Variants in SLC35F4 observed in about 807,000 individuals in gnomAD.
The protein encoded by SLC35F4 is chromosome 14 open reading frame 36.
SLC35F4 carries 24 observed loss-of-function variants against 44.2 expected under a neutral mutation model. That is an observed-to-expected ratio of 0.54 (90% confidence interval 0.39 to 0.76). SLC35F4 has a LOEUF of 0.76. SLC35F4 is among the 30% of genes least tolerant of loss of function. The pLI, the probability that SLC35F4 is intolerant of heterozygous loss-of-function variation, is 0.00. For missense variants in SLC35F4, 562 were observed against 586.1 expected, an observed-to-expected ratio of 0.96 and a Z score of 0.42; for synonymous variants, 238 against 223.6, an observed-to-expected ratio of 1.06 and a Z score of -0.57.
intron 1 of SLC35F4, among the ~76,000 whole-genome samples, chr14:57,649,013 T>C (rs2140191517): frequency 6.6e-6 from 1 of 152,320 alleles, no homozygotes; most frequent in South Asian, 2.1e-4. Flanking sequence ...TGTTCACTTC[T>C]TTGTCTGCCT....
intron 1 of SLC35F4, among the ~76,000 whole-genome samples, chr14:57,663,403 G>C (rs902298434): frequency 5.9e-5 from 9 of 152,222 alleles, no homozygotes; most frequent in Non-Finnish European, 5.9e-5. Context: ...GTTCAGGAGA[G>C]GGCCAGACAA....
At chr14:57,681,744 A>G (rs1030137917) in intron 1 of SLC35F4, among the ~76,000 whole-genome samples, 5 of 152,128 alleles carry the variant, frequency 3.3e-5, no homozygotes, top group Admixed American at 6.5e-5. Context: ...TTTGCAATCT[A>G]TCCTTCTGAC....
At chr14:57,684,834 T>C (rs182533234) in intron 1 of SLC35F4, among the ~76,000 whole-genome samples, 2 of 152,320 alleles carry the variant, frequency 1.3e-5, no homozygotes, top group East Asian at 3.9e-4. Context: ...GAAAACAATG[T>C]TCCTTTTGTC....
intron 1 of SLC35F4, among the ~76,000 whole-genome samples, chr14:57,618,850 TG>T (rs2072012391): frequency 6.6e-6 from 1 of 151,980 alleles, no homozygotes; most frequent in Non-Finnish European, 1.5e-5. Context: ...TAGAGCTTGG[TG>T]GGGTGAGGGG....
At chr14:57,842,941 C>T (rs1885633138) in intron 1 of SLC35F4, among the ~76,000 whole-genome samples, 1 of 152,180 alleles carries the variant, frequency 6.6e-6, no homozygotes, top group Non-Finnish European at 1.5e-5. Flanking sequence ...AAAGAGCAGA[C>T]TTGCTGAGTC....
intron 1 of SLC35F4, among the ~76,000 whole-genome samples, chr14:57,771,207 T>C (rs373460248): frequency 6.6e-6 from 1 of 152,232 alleles, no homozygotes; most frequent in Non-Finnish European, 1.5e-5. Flanking sequence ...TCTGCACTTA[T>C]TAATTGTACA....
chr14:57,783,299 G>C (rs1355106069), intron 1 of SLC35F4, among the ~76,000 whole-genome samples: 1 of 152,036 alleles, frequency 6.6e-6, no homozygotes, highest in Non-Finnish European at 1.5e-5. Context: ...TGTCCACCAA[G>C]AGGCAGCAGA....
chr14:57,884,909 T>TG (rs1194778482), intron 1 of SLC35F4, among the ~76,000 whole-genome samples: 5 of 152,144 alleles, frequency 3.3e-5, no homozygotes, highest in African/African-American at 1.2e-4. Context: ...GAGAGCTCTA[T>TG]GCTGTGATAA....
At chr14:57,611,050 G>A (rs1427083035) in intron 1 of SLC35F4, among the ~76,000 whole-genome samples, 1 of 152,204 alleles carries the variant, frequency 6.6e-6, no homozygotes, top group Non-Finnish European at 1.5e-5. Flanking sequence ...GCTTCTCTGA[G>A]GAGATTATGG....
chr14:57,775,017 C>T (rs1187445429), intron 1 of SLC35F4, among the ~76,000 whole-genome samples: 1 of 151,820 alleles, frequency 6.6e-6, no homozygotes, highest in African/African-American at 2.4e-5. Flanking sequence ...CACCAGCACT[C>T]CACCATAGTG....
At chr14:57,880,556 A>T (rs962469891) in intron 1 of SLC35F4, among the ~76,000 whole-genome samples, 3 of 152,240 alleles carry the variant, frequency 2.0e-5, no homozygotes, top group Non-Finnish European at 4.4e-5. Context: ...GTACCCCATT[A>T]TATTTTAAAT....
chr14:57,870,202 G>C (rs1210087588), upstream of SLC35F4, among the ~76,000 whole-genome samples: 1 of 149,016 alleles, frequency 6.7e-6, no homozygotes, highest in Admixed American at 6.7e-5. Context: ...CTGTTTTTCT[G>C]TCTTTGTCTC....
chr14:57,645,532 G>A (rs2073465121), intron 1 of SLC35F4, among the ~76,000 whole-genome samples: 1 of 151,874 alleles, frequency 6.6e-6, no homozygotes, highest in Non-Finnish European at 1.5e-5. Context: ...CTGAGATGAT[G>A]GGGTTTTCTA....
At chr14:57,817,126 A>T (rs1882687248) in intron 1 of SLC35F4, among the ~76,000 whole-genome samples, 1 of 152,168 alleles carries the variant, frequency 6.6e-6, no homozygotes, top group Non-Finnish European at 1.5e-5. Context: ...TGAGGTACAG[A>T]TGACAGATGA....
chr14:57,590,672 G>C (rs1020360581), intron 2 of SLC35F4, among the ~76,000 whole-genome samples: 1 of 152,144 alleles, frequency 6.6e-6, no homozygotes, highest in Non-Finnish European at 1.5e-5. Context: ...AGTTAAACAG[G>C]AGCGGAGGTC....
chr14:57,747,203 A>G (rs1310153141), intron 1 of SLC35F4, among the ~76,000 whole-genome samples: 2 of 152,172 alleles, frequency 1.3e-5, no homozygotes, highest in Admixed American at 1.3e-4. Flanking sequence ...GATACACGCA[A>G]ATAAAAAGAC....
intron 1 of SLC35F4, among the ~76,000 whole-genome samples, chr14:57,692,127 G>T (rs75715283): frequency 1.3e-5 from 2 of 152,300 alleles, no homozygotes; most frequent in Non-Finnish European, 2.9e-5. Context: ...TCCAGAAAAT[G>T]TTCAACAGAC....
At chr14:57,601,630 T>A (rs1287411646) in intron 1 of SLC35F4, among the ~76,000 whole-genome samples, 1 of 152,142 alleles carries the variant, frequency 6.6e-6, no homozygotes, top group African/African-American at 2.4e-5. Flanking sequence ...AAGAAAGGAG[T>A]ACTAATGGTT....
At chr14:57,946,087 T>C (rs1890021203) in intron 1 of SLC35F4, among the ~76,000 whole-genome samples, 1 of 152,248 alleles carries the variant, frequency 6.6e-6, no homozygotes, top group African/African-American at 2.4e-5. Context: ...CTGTTTACTC[T>C]TATGCTTATT....
Sources: gnomAD v4.1 joint callset for allele counts (sites outside exome capture counted in the v4.1 genomes callset) on GRCh38, gnomAD v4.1.1 for gene constraint, MANE v1.5 for transcripts, NCBI Gene and HGNC (gene_info 2026-07-23, HGNC 2026-07-21) for gene names.